CFAP43: variants seen among roughly 807,000 people sequenced by gnomAD.
CFAP43 encodes cilia and flagella associated protein 43.
A neutral mutation model predicts 218.9 loss-of-function variants in CFAP43; 155 were observed. That is an observed-to-expected ratio of 0.71 (90% confidence interval 0.62 to 0.81). The LOEUF (loss-of-function observed/expected upper bound fraction) is 0.81, where lower values mean the gene tolerates loss of function less well. CFAP43 is among the 30% of genes least tolerant of loss of function. The pLI is 0.00. For synonymous variants in CFAP43, 645 were observed against 681.3 expected (o/e 0.95, Z 0.83); for missense variants, 1,778 against 1,954.3 (o/e 0.91, Z 1.70).
At chr10:104,182,701 T>C (rs753296161) in intron 16 of CFAP43, among the ~76,000 whole-genome samples, 188 bp from the exon 17 acceptor site, 2 of 152,116 alleles carry the variant, frequency 1.3e-5, no homozygotes, top group East Asian at 3.9e-4. Flanking sequence ...CAGAATTTCT[T>C]CTTTTTTTTT....
At chr10:104,152,947 CTT>C (rs2088347363) in intron 27 of CFAP43, among the ~76,000 whole-genome samples, 1 of 152,066 alleles carries the variant, frequency 6.6e-6, no homozygotes, top group African/African-American at 2.4e-5. Context: ...GGGAAAAAAA[CTT>C]AAAATTACTG....
At chr10:104,168,423 G>A (rs1027371933) in intron 21 of CFAP43, among the ~76,000 whole-genome samples, 16 of 152,262 alleles carry the variant, frequency 1.1e-4, no homozygotes, top group East Asian at 7.7e-4. Flanking sequence ...ACCAGATTTC[G>A]TCTACCTTTC....
At chr10:104,147,473 C>T (rs192616786) in intron 29 of CFAP43, among the ~76,000 whole-genome samples, 3 of 152,016 alleles carry the variant, frequency 2.0e-5, no homozygotes, top group African/African-American at 4.8e-5. Flanking sequence ...TCATTCTATA[C>T]GCAAGCCCAT....
intron 14 of CFAP43, 110 bp from the exon 15 acceptor site, chr10:104,186,233 T>A (rs912529577): frequency 1.2e-6 from 1 of 839,556 alleles, no homozygotes; most frequent in Non-Finnish European, 1.7e-6. Flanking sequence ...TAAAATGATA[T>A]GGCATAAAGT....
At chr10:104,132,003 A>G (rs1205302022) in intron 36 of CFAP43, 113 bp downstream of exon 36, 1 of 774,738 alleles carries the variant, frequency 1.3e-6, no homozygotes, top group African/African-American at 1.8e-5. Flanking sequence ...GAATACTAGT[A>G]AATAACCAAG....
intron 26 of CFAP43, 74 bp downstream of exon 26, chr10:104,161,887 G>C: frequency 7.0e-7 from 1 of 1,419,488 alleles, no homozygotes; most frequent in Non-Finnish European, 9.7e-7. Flanking sequence ...GGTTTATATA[G>C]GACAAAAATG....
At position 104,207,823 on chromosome 10, in the gene CFAP43, G is replaced by A. The variant is rs780074336; in HGVS notation, c.737C>T (p.Pro246Leu). ...AAGCAAAGGATATAGATCATCTTTC[G>A]GCTTCAGGGAGAGAATAAAACCTTG... ...LVGKEAETFR[P>L]KDDLYPLLHP... The change falls in exon 6 of 38, where the codon CCG (proline) becomes CTG (leucine). Residue 246 changes from proline (P) to leucine (L), a missense_variant and splice_region_variant. By Grantham distance (98) the Pro-to-Leu change is moderately conservative. Around this residue, in one of 3 missense-constraint regions of CFAP43, gnomAD observed 1,553 missense variants for 1,685.2 expected, o/e 0.92. Coordinates refer to ENST00000357060, the MANE Select transcript of CFAP43 (RefSeq NM_025145.7). The A allele has an allele frequency of 5.0e-5, 81 of 1,610,222 alleles. No homozygotes were observed. The Middle Eastern group carries it at 9.9e-4, about 20-fold the overall frequency.
At chr10:104,166,445 G>T in intron 23 of CFAP43, 43 bp downstream of exon 23, 4 of 1,443,128 alleles carry the variant, frequency 2.8e-6, no homozygotes, top group East Asian at 2.3e-5. Context: ...CCACCTAATG[G>T]GGAGTCTAGA....
intron 21 of CFAP43, 45 bp from the exon 22 acceptor site, chr10:104,167,782 A>G (rs757626744): frequency 6.8e-7 from 1 of 1,462,090 alleles, no homozygotes; most frequent in South Asian, 1.2e-5. Context: ...TTTGTAGTAT[A>G]ATTGTGTGTA....
At chr10:104,158,851 G>T (rs1318434962) in intron 27 of CFAP43, among the ~76,000 whole-genome samples, 2 of 152,034 alleles carry the variant, frequency 1.3e-5, no homozygotes, top group Non-Finnish European at 2.9e-5. Flanking sequence ...AGGAGAAAAA[G>T]AGAACAAATG....
intron 21 of CFAP43, among the ~76,000 whole-genome samples, chr10:104,168,335 G>C (rs2089268552): frequency 6.6e-6 from 1 of 152,156 alleles, no homozygotes; most frequent in African/African-American, 2.4e-5. Context: ...TACACAAAGA[G>C]GGAAATTACA....
chr10:104,184,138 G>C (rs1384588904), intron 16 of CFAP43, among the ~76,000 whole-genome samples: 1 of 152,168 alleles, frequency 6.6e-6, no homozygotes, highest in Non-Finnish European at 1.5e-5. Flanking sequence ...TAGCATGGCT[G>C]ACTCCATCTT....
chr10:104,151,255 T>C (rs1383457096), intron 28 of CFAP43, among the ~76,000 whole-genome samples: 1 of 152,250 alleles, frequency 6.6e-6, no homozygotes, highest in Non-Finnish European at 1.5e-5. Flanking sequence ...TTTGGGTATA[T>C]ACCCAGTAAT....
At chr10:104,156,393 A>G (rs1441816262) in intron 27 of CFAP43, among the ~76,000 whole-genome samples, 2 of 152,226 alleles carry the variant, frequency 1.3e-5, no homozygotes, top group East Asian at 3.8e-4. Flanking sequence ...AAATAGCTAT[A>G]GTATTTGTTT....
intron 2 of CFAP43, 66 bp from the exon 3 acceptor site, chr10:104,225,623 T>C: frequency 7.7e-7 from 1 of 1,297,612 alleles, no homozygotes; most frequent in Non-Finnish European, 1.1e-6. Flanking sequence ...ACTATGGTCT[T>C]ACAGTTTATT....
At chr10:104,170,728 A>T (rs185159023) in intron 20 of CFAP43, among the ~76,000 whole-genome samples, 94 of 152,316 alleles carry the variant, frequency 6.2e-4, no homozygotes, top group African/African-American at 2.2e-3. Context: ...AATAACATTT[A>T]AAAAGCTCCT....
At chr10:104,186,929 C>T (rs2090049286) in intron 14 of CFAP43, among the ~76,000 whole-genome samples, 1 of 152,200 alleles carries the variant, frequency 6.6e-6, no homozygotes, top group Non-Finnish European at 1.5e-5. Context: ...GTCAGAAACA[C>T]AGTTTAATTA....
intron 21 of CFAP43, among the ~76,000 whole-genome samples, chr10:104,168,457 C>T (rs2864009): frequency 0.13 from 19,168 of 152,060 alleles, 1,500 homozygotes; most frequent in Non-Finnish European, 0.17. Context: ...TGTGAGTGAG[C>T]AGACAGCTAT....
intron 19 of CFAP43, among the ~76,000 whole-genome samples, chr10:104,173,757 T>G (rs1226395548): frequency 1.3e-5 from 2 of 152,190 alleles, no homozygotes; most frequent in Admixed American, 1.3e-4. Flanking sequence ...AAGTCAGATC[T>G]CCTACACTTC....
Sources: gnomAD v4.1 joint callset for allele counts (sites outside exome capture counted in the v4.1 genomes callset) on GRCh38, gnomAD v4.1.1 for gene constraint, gnomAD v4.1.1 regional missense constraint, MANE v1.5 for transcripts, NCBI Gene and HGNC (gene_info 2026-07-23, HGNC 2026-07-21) for gene names.